Variants in MYBL2 observed in about 807,000 individuals in gnomAD.
The protein encoded by MYBL2 is myb-related protein B.
MYBL2 carries 28 observed loss-of-function variants against 79.9 expected under a neutral mutation model. That is an observed-to-expected ratio of 0.35 (90% CI 0.26 to 0.48). The LOEUF (loss-of-function observed/expected upper bound fraction) is 0.48, where lower values mean the gene tolerates loss of function less well. MYBL2 is among the 20% of genes least tolerant of loss of function. The pLI is 0.99. For synonymous variants in MYBL2, 378 were observed against 361.2 expected (o/e 1.05, Z -0.53); for missense variants, 735 against 893.9 (o/e 0.82, Z 2.27).
intron 4 of MYBL2, 57 bp from the exon 5 acceptor site, chr20:43,686,795 A>G (rs1012573352): frequency 6.5e-6 from 10 of 1,539,676 alleles, no homozygotes; most frequent in Non-Finnish European, 8.9e-6. Flanking sequence ...GTGAAGGGCT[A>G]TGGTGGGGGC....
At chr20:43,675,849 G>A (rs754322076) in intron 2 of MYBL2, among the ~76,000 whole-genome samples, 5 of 151,532 alleles carry the variant, frequency 3.3e-5, no homozygotes, top group Middle Eastern at 6.9e-3. Flanking sequence ...ATTGCATGTC[G>A]TGGGAGTTTG....
intron 5 of MYBL2, 109 bp from the exon 6 acceptor site, chr20:43,692,048 G>C: frequency 1.0e-6 from 1 of 992,630 alleles, no homozygotes; most frequent in Non-Finnish European, 1.5e-6. Context: ...TCATCTAGTG[G>C]AAGATTCATT....
chr20:43,692,816 C>T (rs1026305717), intron 6 of MYBL2, among the ~76,000 whole-genome samples: 4 of 152,192 alleles, frequency 2.6e-5, no homozygotes, highest in South Asian at 2.1e-4. Flanking sequence ...TTGTAATTTA[C>T]GTACTCTAAT....
At chr20:43,700,984 G>C (rs553124222) in intron 7 of MYBL2, among the ~76,000 whole-genome samples, 63 of 152,292 alleles carry the variant, frequency 4.1e-4, no homozygotes, top group African/African-American at 1.5e-3. Flanking sequence ...CTTGCCGCGT[G>C]CCAGGCCCAT....
chr20:43,692,213 C>A lies in MYBL2; in HGVS notation c.557C>A (p.Thr186Lys), dbSNP rs779855356. Residue 186 changes from threonine (T) to lysine (K), a missense_variant, in exon 6 of 14, where the codon ACA becomes AAA. By Grantham distance (78) the Thr-to-Lys change is moderately conservative. Transcript: ENST00000217026. ...WNSTIKRKVDTGGFLSESKDC... is the reference protein window; with the variant it reads ...WNSTIKRKVDKGGFLSESKDC... ...TCTACCATCAAAAGGAAGGTGGACA[C>A]AGGAGGCTTCTTGAGCGAGTCCAAA... 6 of 1,614,154 alleles carry A rather than the reference C, an allele frequency of 3.7e-6. No individual in the cohort carries two copies. The highest frequency in any genetic ancestry group is 5.1e-6 in the Non-Finnish European group (6 of 1,180,040).
At chr20:43,698,849 T>C (rs1340787082) in intron 6 of MYBL2, among the ~76,000 whole-genome samples, 1 of 62,752 alleles carries the variant, frequency 1.6e-5, no homozygotes, top group African/African-American at 6.4e-5. Flanking sequence ...CCCCCTCCCT[T>C]TTTTTTTTAT....
At chr20:43,682,709 C>G in intron 3 of MYBL2, 85 bp from the exon 4 acceptor site, 1 of 1,275,216 alleles carries the variant, frequency 7.8e-7, no homozygotes, top group Non-Finnish European at 1.1e-6. Context: ...GGCCATAGGC[C>G]CCTGAGCCTA....
intron 5 of MYBL2, among the ~76,000 whole-genome samples, chr20:43,687,666 T>C (rs1987309750): frequency 6.6e-6 from 1 of 152,150 alleles, no homozygotes. Context: ...TTTCTTAGGC[T>C]TTCCCACTCC....
intron 9 of MYBL2, among the ~76,000 whole-genome samples, chr20:43,709,681 A>G (rs1013034165): frequency 6.6e-5 from 10 of 152,152 alleles, no homozygotes; most frequent in African/African-American, 2.4e-4. Flanking sequence ...AAGTGTGGCC[A>G]CGGACTGCCT....
intron 1 of MYBL2, among the ~76,000 whole-genome samples, chr20:43,673,181 G>A (rs1184241927): frequency 6.6e-6 from 1 of 150,480 alleles, no homozygotes; most frequent in Non-Finnish European, 1.5e-5. Context: ...CTGACCTCAA[G>A]CAATCCACCC....
At chr20:43,700,075 A>G in intron 7 of MYBL2, 31 bp downstream of exon 7, 1 of 1,602,526 alleles carries the variant, frequency 6.2e-7, no homozygotes, top group Non-Finnish European at 8.5e-7. Flanking sequence ...CACAGTGAGC[A>G]CAGAACACCC....
intron 2 of MYBL2, among the ~76,000 whole-genome samples, chr20:43,674,674 G>A (rs978170868): frequency 1.3e-5 from 2 of 151,478 alleles, no homozygotes; most frequent in South Asian, 2.1e-4. Flanking sequence ...GATTACAGGC[G>A]TGAGCCACTG....
chr20:43,700,090 C>A, intron 7 of MYBL2, 46 bp downstream of exon 7: 1 of 1,588,960 alleles, frequency 6.3e-7, no homozygotes, highest in Non-Finnish European at 8.6e-7. Context: ...ACACCCCCAG[C>A]AGGAAGTGCT....
chr20:43,691,097 G>A (rs566702833), intron 5 of MYBL2, among the ~76,000 whole-genome samples: 8 of 152,228 alleles, frequency 5.3e-5, no homozygotes, highest in African/African-American at 1.9e-4. Flanking sequence ...AGAAACCAAG[G>A]CTTAGGGAGG....
chr20:43,674,391 ATTT>A (rs3091618), intron 2 of MYBL2, among the ~76,000 whole-genome samples: 6 of 135,878 alleles, frequency 4.4e-5, no homozygotes, highest in Non-Finnish European at 7.9e-5. Flanking sequence ...CATCCAGCTA[ATTT>A]TTTTTTTTTT....
intron 9 of MYBL2, among the ~76,000 whole-genome samples, chr20:43,707,195 TAA>T (rs199537584): frequency 7.5e-6 from 1 of 133,464 alleles, no homozygotes; most frequent in South Asian, 2.4e-4. Flanking sequence ...TTTTTTTTTT[TAA>T]AAAAAAAAGA....
intron 6 of MYBL2, among the ~76,000 whole-genome samples, chr20:43,697,873 C>G (rs547122470): frequency 3.3e-4 from 49 of 150,732 alleles, no homozygotes; most frequent in African/African-American, 1.1e-3. Flanking sequence ...CGAGATCGCG[C>G]CACTGCATTT....
At chr20:43,682,005 G>T (rs1987155513) in intron 3 of MYBL2, 150 bp downstream of exon 3, 1 of 744,822 alleles carries the variant, frequency 1.3e-6, no homozygotes, top group Middle Eastern at 3.8e-4. Flanking sequence ...ATGGACCTTT[G>T]TAGGATCTCT....
At chr20:43,713,408 T>C (rs1246990407) in intron 12 of MYBL2, among the ~76,000 whole-genome samples, 2 of 149,202 alleles carry the variant, frequency 1.3e-5, no homozygotes, top group Non-Finnish European at 3.0e-5. Context: ...TTTTTTTGAA[T>C]TGGAATTTCG....
Sources: allele counts gnomAD v4.1 joint callset (sites outside exome capture counted in the v4.1 genomes callset), GRCh38; gene constraint gnomAD v4.1.1; transcripts MANE v1.5; gene names NCBI Gene and HGNC (gene_info 2026-07-23, HGNC 2026-07-21).